MAU2: variants seen among roughly 807,000 people sequenced by gnomAD.
The protein encoded by MAU2 is MAU2 sister chromatid cohesion factor, also known as MAU2 chromatid cohesion factor homolog.
A neutral mutation model predicts 89.1 loss-of-function variants in MAU2; 9 were observed. That is an observed-to-expected ratio of 0.10 (90% CI 0.06 to 0.18). MAU2 has a LOEUF of 0.18. Among genes scored for constraint, MAU2 ranks in the 10% least tolerant of loss-of-function variants. The pLI, the probability that MAU2 is intolerant of heterozygous loss-of-function variation, is 1.00. For synonymous variants in MAU2, 357 were observed against 343.4 expected (o/e 1.04, Z -0.44); for missense variants, 425 against 803.5 (o/e 0.53, Z 5.69).
intron 12 of MAU2, among the ~76,000 whole-genome samples, chr19:19,346,508 G>C (rs937577798): frequency 1.3e-5 from 2 of 152,082 alleles, no homozygotes; most frequent in African/African-American, 4.8e-5. Flanking sequence ...CGCCTCCTGT[G>C]GCCCTGAAAC....
At chr19:19,346,602 G>T (rs2061694950) in intron 12 of MAU2, among the ~76,000 whole-genome samples, 1 of 152,142 alleles carries the variant, frequency 6.6e-6, no homozygotes, top group African/African-American at 2.4e-5. Flanking sequence ...GTGCCAGGAG[G>T]GGATCTGTGC....
intron 16 of MAU2, among the ~76,000 whole-genome samples, chr19:19,351,138 C>T (rs1037244826): frequency 2.0e-5 from 3 of 151,350 alleles, no homozygotes; most frequent in African/African-American, 2.5e-5. Context: ...ACCTTCACCC[C>T]CTGTAGGCTC....
intron 7 of MAU2, 42 bp from the exon 8 acceptor site, chr19:19,342,493 A>C: frequency 1.3e-6 from 2 of 1,511,688 alleles, no homozygotes; most frequent in Non-Finnish European, 1.8e-6. Flanking sequence ...GCTTCCTGAG[A>C]GGCCAGGCTC....
chr19:19,325,192 G>T (rs1159632565), intron 1 of MAU2, among the ~76,000 whole-genome samples: 1 of 151,534 alleles, frequency 6.6e-6, no homozygotes, highest in Non-Finnish European at 1.5e-5. Context: ...TTTATTTTTT[G>T]AGATGTAGTC....
chr19:19,348,756 C>A, intron 13 of MAU2, 133 bp from the exon 14 acceptor site: 2 of 958,282 alleles, frequency 2.1e-6, no homozygotes, highest in South Asian at 2.6e-5. Context: ...TCTTGCTGGT[C>A]AGTCACCAGG....
chr19:19,336,234 G>A (rs945082357), intron 3 of MAU2, 47 bp downstream of exon 3: 13 of 1,383,068 alleles, frequency 9.4e-6, no homozygotes, highest in South Asian at 1.2e-5. Flanking sequence ...TCTCCGTGTC[G>A]CTAAGACATG....
chr19:19,343,691 G>C, intron 9 of MAU2, 146 bp from the exon 10 acceptor site: 2 of 666,258 alleles, frequency 3.0e-6, no homozygotes, highest in South Asian at 3.4e-5. Context: ...CCTTCACTCA[G>C]AGGGTGCAGT....
chr19:19,339,058 T>A, intron 5 of MAU2, 119 bp downstream of exon 5: 1 of 766,944 alleles, frequency 1.3e-6, no homozygotes, highest in Non-Finnish European at 2.1e-6. Flanking sequence ...TCACAGTATA[T>A]TCCCAGCACT....
intron 1 of MAU2, among the ~76,000 whole-genome samples, chr19:19,334,805 G>A (rs1027835727): frequency 2.0e-5 from 3 of 152,124 alleles, no homozygotes; most frequent in Admixed American, 1.3e-4. Context: ...TGGAGAACTG[G>A]CCCCTCACTT....
At chr19:19,350,708 GGC>G (rs2061736556) in intron 16 of MAU2, among the ~76,000 whole-genome samples, 1 of 151,852 alleles carries the variant, frequency 6.6e-6, no homozygotes, top group South Asian at 2.1e-4. Context: ...AGACCATCCT[GGC>G]TAACACGGTG....
chr19:19,330,946 A>G (rs917770710), intron 1 of MAU2, among the ~76,000 whole-genome samples: 7 of 152,182 alleles, frequency 4.6e-5, no homozygotes, highest in African/African-American at 1.7e-4. Context: ...TTTAAGGAAT[A>G]AGAAGCCTTG....
intron 1 of MAU2, among the ~76,000 whole-genome samples, chr19:19,333,329 A>T (rs1207146659): frequency 6.6e-6 from 1 of 151,992 alleles, no homozygotes; most frequent in Non-Finnish European, 1.5e-5. Flanking sequence ...TACAAAAAAT[A>T]AAAAAAATTA....
chr19:19,337,331 C>A, intron 4 of MAU2, 66 bp downstream of exon 4: 1 of 1,325,000 alleles, frequency 7.5e-7, no homozygotes, highest in Non-Finnish European at 1.1e-6. Flanking sequence ...ACACCTGCCC[C>A]ATTTGCAAAG....
chr19:19,351,603 C>T (rs2061745290), intron 16 of MAU2, among the ~76,000 whole-genome samples: 1 of 151,792 alleles, frequency 6.6e-6, no homozygotes. Context: ...TCACTTGAGC[C>T]CAGGAGGTTG....
At chr19:19,335,876 C>G in intron 2 of MAU2, 141 bp downstream of exon 2, 1 of 975,744 alleles carries the variant, frequency 1.0e-6, no homozygotes, top group Non-Finnish European at 1.6e-6. Context: ...TGTCCCCCAC[C>G]TGGCCCTCTG....
At chr19:19,343,746 A>G (rs2061671597) in intron 9 of MAU2, 91 bp from the exon 10 acceptor site, 1 of 888,546 alleles carries the variant, frequency 1.1e-6, no homozygotes, top group African/African-American at 1.6e-5. Context: ...CCAGTGTGGC[A>G]GGAGACAGGA....
chr19:19,342,716 G>A (rs2061661266), intron 8 of MAU2, 35 bp downstream of exon 8: 1 of 1,613,230 alleles, frequency 6.2e-7, no homozygotes, highest in East Asian at 2.2e-5. Flanking sequence ...CAGGGCTGGG[G>A]GCGGGGGCAG....
At chr19:19,329,669 A>G (rs1014734748) in intron 1 of MAU2, among the ~76,000 whole-genome samples, 1 of 151,992 alleles carries the variant, frequency 6.6e-6, no homozygotes, top group Non-Finnish European at 1.5e-5. Context: ...GCAATAGGGT[A>G]GTTTAAAAAA....
Position 19,345,074 on chromosome 19 carries a change from C to T in MAU2, c.1155+148C>T. 1 of 796,536 alleles carries T rather than the reference C, an allele frequency of 1.3e-6. No individual in the cohort carries two copies. Among genetic ancestry groups the T allele is most frequent in the Non-Finnish European group, 2.1e-6 (1 of 484,682 alleles). 49.3% of individuals were successfully genotyped at this position (796,536 alleles called of 1,614,324 possible). On this transcript the variant is annotated intron_variant, in intron 11 of 18. Coordinates refer to ENST00000262815, the MANE Select transcript of MAU2 (RefSeq NM_015329.4). This position sits in a 1 kb window ranked among gnomAD's most constrained non-coding sequence, Gnocchi z 4.9. Reference sequence around the variant, plus strand: ...ATGTTCCCATAGGTAATCATATAACCTTCCCAGGCACGATCCGGAATGCTC... The same window carrying T: ...ATGTTCCCATAGGTAATCATATAACTTTCCCAGGCACGATCCGGAATGCTC...
Sources: gnomAD v4.1 joint callset for allele counts (sites outside exome capture counted in the v4.1 genomes callset) on GRCh38, gnomAD v4.1.1 for gene constraint, Gnocchi (gnomAD v3.1) non-coding constraint, MANE v1.5 for transcripts, NCBI Gene and HGNC (gene_info 2026-07-23, HGNC 2026-07-21) for gene names.